The following SLF1 variants were observed in gnomAD, a reference collection of about 807,000 sequenced individuals.
SLF1 encodes SMC5-SMC6 complex localization factor protein 1.
A neutral mutation model predicts 123.0 loss-of-function variants in SLF1; 105 were observed. The observed-to-expected ratio is 0.85, with a 90% CI of 0.73 to 1.00. The LOEUF (loss-of-function observed/expected upper bound fraction) is 1.00. Among genes scored for constraint, SLF1 ranks in the 50% least tolerant of loss-of-function variants. The probability of loss-of-function intolerance (pLI) is 0.00; values close to 1 mark genes in which losing one functional copy is unlikely to be tolerated. For missense variants in SLF1, 1,239 were observed against 1,223.0 expected (o/e 1.01, Z -0.20); for synonymous variants, 434 against 406.6 (o/e 1.07, Z -0.81).
rs537010310 is a variant in SLF1, at chr5:94,635,043, T to G, written c.431+4300T>G. Reference sequence around the variant, plus strand: ...GCTGTGCAGAAGCTTTTTAGTTTTATGTAACCTCACTTTCCTGTTTTTGTT... The same window carrying G: ...GCTGTGCAGAAGCTTTTTAGTTTTAGGTAACCTCACTTTCCTGTTTTTGTT... On this transcript the variant is annotated intron_variant, in intron 4 of 20. Coordinates refer to ENST00000265140, the MANE Select transcript of SLF1 (RefSeq NM_032290.4). 3.1e-4 allele frequency among the ~76,000 whole-genome samples: 47 copies of G among 152,324 alleles called. No individual in the cohort carries two copies. The South Asian group carries it at 9.1e-3, about 30-fold the overall frequency.
At position 94,696,996 on chromosome 5, in the gene SLF1, T is replaced by C. The variant is rs1397275199; in HGVS notation, c.*1684T>C. The C allele has an allele frequency of 1.3e-5, 2 of 151,896 alleles. No individual in the cohort carries two copies. Among genetic ancestry groups the C allele is most frequent in the Admixed American group, 6.6e-5 (1 of 15,214 alleles). The allele number at this position is 151,896 out of a possible 1,614,324, so 9.4% of individuals were successfully genotyped here. On this transcript the variant is annotated 3_prime_UTR_variant, in exon 21 of 21. Coordinates refer to ENST00000265140, the MANE Select transcript of SLF1 (RefSeq NM_032290.4). ...TAAGTTGGTAGTAATTCTAAGGTAA[T>C]TAAGGAATCAACATCATGAGTTAGG... is the stretch of plus-strand genomic sequence containing the variant.
At chr5:94,680,228 C>G (rs1174904493) in intron 15 of SLF1, among the ~76,000 whole-genome samples, 3 of 152,126 alleles carry the variant, frequency 2.0e-5, no homozygotes, top group African/African-American at 7.2e-5. Context: ...CGATGATGCC[C>G]TCTGCAGAGA....
At chr5:94,626,677 G>A in intron 1 of SLF1, among the ~76,000 whole-genome samples, 1 of 152,200 alleles carries the variant, frequency 6.6e-6, no homozygotes, top group East Asian at 1.9e-4. Context: ...GCAAGAAGGA[G>A]ATAGTTTTGA....
At chr5:94,636,174 A>G (rs1745749641) in intron 4 of SLF1, among the ~76,000 whole-genome samples, 1 of 152,148 alleles carries the variant, frequency 6.6e-6, no homozygotes, top group Non-Finnish European at 1.5e-5. Flanking sequence ...AGACTCTTGT[A>G]GGTGATATGT....
At chr5:94,663,171 A>T (rs962744740) in intron 10 of SLF1, among the ~76,000 whole-genome samples, 1 of 152,194 alleles carries the variant, frequency 6.6e-6, no homozygotes, top group Non-Finnish European at 1.5e-5. Flanking sequence ...CCAAACTGCA[A>T]ATTCCTGTTA....
chr5:94,622,026 G>C (rs1332019386), intron 1 of SLF1, among the ~76,000 whole-genome samples: 1 of 152,040 alleles, frequency 6.6e-6, no homozygotes, highest in Non-Finnish European at 1.5e-5. Context: ...GGCCTAATTT[G>C]GCTCCTAGGC....
At chr5:94,656,255 GT>G (rs772583460) in intron 9 of SLF1, among the ~76,000 whole-genome samples, 3 of 151,862 alleles carry the variant, frequency 2.0e-5, no homozygotes, top group Non-Finnish European at 4.4e-5. Context: ...ATTTGTGTAT[GT>G]TGAACCATCC....
At chr5:94,622,408 A>C (rs1341815660) in intron 1 of SLF1, among the ~76,000 whole-genome samples, 1 of 152,236 alleles carries the variant, frequency 6.6e-6, no homozygotes, top group Admixed American at 6.5e-5. Flanking sequence ...AGTTTTCATC[A>C]TGACCTTAAA....
At chr5:94,639,251 G>A (rs1746178021) in intron 4 of SLF1, among the ~76,000 whole-genome samples, 1 of 151,930 alleles carries the variant, frequency 6.6e-6, no homozygotes, top group African/African-American at 2.4e-5. Context: ...TGTTGGCCAG[G>A]CTGGTCTCGA....
chr5:94,621,883 T>TACAC lies in SLF1; in HGVS notation c.-1+3138_-1+3141dup, dbSNP rs145332421. On this transcript the variant is annotated intron_variant, in intron 1 of 20. Coordinates refer to ENST00000265140, the MANE Select transcript of SLF1 (RefSeq NM_032290.4). The stretch of plus-strand genomic sequence containing the variant: ...GCTTCTGTCAAATAATTAATATTTA[T>TACAC]ACACACACACACACACACACACATA... 6.9e-3 allele frequency among the ~76,000 whole-genome samples: 1,035 copies of TACAC among 150,386 alleles called. 7 individuals carry two copies. Among genetic ancestry groups the TACAC allele is most frequent in the African/African-American group, 0.02 (820 of 40,974 alleles).
Position 94,651,735 on chromosome 5 carries a change from G to A in SLF1, c.772G>A (p.Gly258Ser). 1 of 1,518,680 alleles carries A rather than the reference G, an allele frequency of 6.6e-7. No individual in the cohort carries two copies. Among genetic ancestry groups the A allele is most frequent in the Non-Finnish European group, 8.8e-7 (1 of 1,134,412 alleles). 94.1% of individuals were successfully genotyped at this position (1,518,680 alleles called of 1,614,324 possible). A position where few individuals can be genotyped will look rare whatever the true frequency, so the allele number is the denominator to read the frequency against. Residue 258 changes from glycine (G) to serine (S), a missense_variant, in exon 7 of 21, where the codon GGT (glycine) becomes AGT (serine). By Grantham distance (56) the Gly-to-Ser change is moderately conservative. Transcript: ENST00000265140. ...GCAAAATCATGAAGATGTTAATGTT[G>A]GTTCTATTTTGATTCAACATCACAA... ...EMQNHEDVNV[G>S]SILIQHHKKE...
At position 94,665,889 on chromosome 5, in the gene SLF1, A is replaced by G; in HGVS notation, c.1397A>G (p.Tyr466Cys). 6.5e-7 allele frequency: 1 copy of G among 1,547,988 alleles called. No homozygotes were observed. Among genetic ancestry groups the G allele is most frequent in the Non-Finnish European group, 8.7e-7 (1 of 1,143,690 alleles). Residue 466 changes from tyrosine to cysteine, a missense_variant, in exon 12 of 21, where the codon TAC becomes TGC. Transcript: ENST00000265140. ...QDNIDTFSGR[Y>C]FHILSALLHL... ...AACATAGATACATTTTCTGGTCGAT[A>G]CTTTCATATATTGTCAGCTCTTCTT... is the stretch of plus-strand genomic sequence containing the variant.
rs183503517 is a variant in SLF1 at position 94,686,672 on chromosome 5, A to G, written c.2075A>G (p.Gln692Arg). The G allele has an allele frequency of 1.2e-6, 2 of 1,614,176 alleles. No homozygotes were observed. The highest frequency in any genetic ancestry group is 1.3e-5 in the African/African-American group (1 of 75,066). Reference sequence around the variant, plus strand: ...GCAGTCTTTAAAAAGTTGTGTCTACAGAGCTCTGGCAGTGTTTCTTCTGAG... The same window carrying G: ...GCAGTCTTTAAAAAGTTGTGTCTACGGAGCTCTGGCAGTGTTTCTTCTGAG... ...AEAVFKKLCLQSSGSVSSEPL... is the reference protein window; with the variant it reads ...AEAVFKKLCLRSSGSVSSEPL... Residue 692 changes from glutamine to arginine, a missense_variant, in exon 16 of 21, where the codon CAG (glutamine) becomes CGG (arginine). Physicochemically the swap from Gln to Arg is conservative, Grantham distance 43. Coordinates refer to ENST00000265140, the MANE Select transcript of SLF1 (RefSeq NM_032290.4).
In SLF1 at chr5:94,663,709, A is replaced by G. The variant is rs1403137991; in HGVS notation, c.1210-41A>G. On this transcript the variant is annotated intron_variant, in intron 10 of 20. Transcript: ENST00000265140. ...ATTCATGATTTGATTGCAAAATTTTATCTTTCTTTTCTCTGAATCATAGAA... is the reference window on the plus strand; with the variant it reads ...ATTCATGATTTGATTGCAAAATTTTGTCTTTCTTTTCTCTGAATCATAGAA... The G allele has an allele frequency of 6.4e-6, 9 of 1,407,532 alleles. No homozygotes were observed. The African/African-American group carries it at 1.0e-4, about 16-fold the overall frequency. 87.2% of individuals were successfully genotyped at this position (1,407,532 alleles called of 1,614,324 possible). A position where few individuals can be genotyped will look rare whatever the true frequency, so the allele number is the denominator to read the frequency against.
At position 94,689,597 on chromosome 5, in the gene SLF1, A is replaced by G. The variant is rs780628149; in HGVS notation, c.2410A>G (p.Asn804Asp). 6.2e-7 allele frequency: 1 copy of G among 1,608,016 alleles called. No individual in the cohort carries two copies. Among genetic ancestry groups the G allele is most frequent in the Non-Finnish European group, 8.5e-7 (1 of 1,175,798 alleles). ...TAAAAAGATGAATTTTCACAAGACT[A>G]ATCTAAAAGGTATTCCAAGTATTTA... ...VVKKMNFHKT[N>D]LKGETALHRA... Residue 804 changes from asparagine (N) to aspartate (D), a missense_variant, in exon 18 of 21, where the codon AAT (asparagine) becomes GAT (aspartate). By Grantham distance (23) the Asn-to-Asp change is conservative. Transcript: ENST00000265140.
chr5:94,672,369 A>G (rs1196876365), intron 14 of SLF1, among the ~76,000 whole-genome samples: 1 of 151,972 alleles, frequency 6.6e-6, no homozygotes, highest in Non-Finnish European at 1.5e-5. Flanking sequence ...TCTACGTTTT[A>G]AATTACCATT....
At chr5:94,635,661 A>C (rs1009481506) in intron 4 of SLF1, among the ~76,000 whole-genome samples, 1 of 152,086 alleles carries the variant, frequency 6.6e-6, no homozygotes, top group East Asian at 1.9e-4. Flanking sequence ...GACTATGTCA[A>C]ACTGATAACT....
chr5:94,657,764 T>C (rs892003318), intron 9 of SLF1, among the ~76,000 whole-genome samples: 6 of 152,108 alleles, frequency 3.9e-5, no homozygotes, highest in African/African-American at 1.4e-4. Context: ...TGTTATATCT[T>C]CTTGCGGAAT....
At chr5:94,622,630 A>G (rs75048666) in intron 1 of SLF1, among the ~76,000 whole-genome samples, 1 of 152,158 alleles carries the variant, frequency 6.6e-6, no homozygotes, top group Non-Finnish European at 1.5e-5. Flanking sequence ...ATACTTTGTA[A>G]TATTTTTCAA....
Sources: gnomAD v4.1 joint callset for allele counts (sites outside exome capture counted in the v4.1 genomes callset) on GRCh38, gnomAD v4.1.1 for gene constraint, MANE v1.5 for transcripts, NCBI Gene and HGNC (gene_info 2026-07-23, HGNC 2026-07-21) for gene names.